PCDHGA7: variants seen among roughly 807,000 people sequenced by gnomAD.
PCDHGA7 encodes the protein protocadherin gamma-A7.
A neutral mutation model predicts 58.3 loss-of-function variants in PCDHGA7; 44 were observed. The ratio of observed to expected loss-of-function variants is 0.75; its 90% CI spans 0.59 to 0.97. The LOEUF is 0.97. Ranked by LOEUF, PCDHGA7 falls within the 50% of genes least tolerant of loss-of-function variation. PCDHGA7 has a pLI of 0.00. For missense variants in PCDHGA7, 1,266 were observed against 1,188.7 expected, an observed-to-expected ratio of 1.06 and a Z score of -0.96; for synonymous variants, 516 against 504.2, an observed-to-expected ratio of 1.02 and a Z score of -0.31.
At chr5:141,388,957 C>T (rs1378746840) in intron 1 of PCDHGA7, 7 of 1,613,822 alleles carry the variant, frequency 4.3e-6, no homozygotes, top group Non-Finnish European at 5.9e-6. Flanking sequence ...ATGGAGGACG[C>T]CGAGCTGGGA....
At chr5:141,415,479 A>G (rs750765604) in intron 1 of PCDHGA7, 19 of 1,613,988 alleles carry the variant, frequency 1.2e-5, no homozygotes, top group South Asian at 2.2e-5. Flanking sequence ...CGGACTCGCG[A>G]AAGAGTCACC....
In PCDHGA7 at chr5:141,383,002, G is replaced by A. The variant is rs376825891; in HGVS notation, c.103G>A (p.Val35Met). 8 of 1,613,766 alleles carry A rather than the reference G, an allele frequency of 5.0e-6. No individual in the cohort carries two copies. Among genetic ancestry groups the A allele is most frequent in the East Asian group, 2.2e-5 (1 of 44,884 alleles). The change falls in exon 1 of 4, where the codon GTG becomes ATG. Residue 35 changes from valine to methionine, a missense_variant. Val to Met is a conservative substitution (Grantham distance 21). Transcript: ENST00000518325. ...EAWAGRILYS[V>M]SEETDKGSFV... is the part of the protein sequence containing the mutation. ...CTGGGCAGGACGTATTCTCTACTCC[G>A]TGTCGGAGGAGACGGACAAAGGGTC...
In PCDHGA7 at chr5:141,489,597, A is replaced by G; in HGVS notation, c.2425-5210A>G. 6.2e-7 allele frequency: 1 copy of G among 1,614,100 alleles called. No individual in the cohort carries two copies. The highest frequency in any genetic ancestry group is 1.3e-5 in the African/African-American group (1 of 75,040). ...AACACCCCCTGGAGCTAATCCGTGTAGAGGTAGAGATCCTGGATCTCAATG... is the reference window on the plus strand; with the variant it reads ...AACACCCCCTGGAGCTAATCCGTGTGGAGGTAGAGATCCTGGATCTCAATG... On this transcript the variant is annotated intron_variant, in intron 1 of 3. Transcript: ENST00000518325. The surrounding 1 kb of genome is among the most constrained non-coding windows in gnomAD (Gnocchi z 4.5).
chr5:141,385,513 A>C (rs1781236036), intron 1 of PCDHGA7, 190 bp downstream of exon 1: 1 of 1,373,372 alleles, frequency 7.3e-7, no homozygotes, highest in Non-Finnish European at 9.4e-7. Flanking sequence ...CTTTAGTGAA[A>C]GCCTATGGAC....
rs1462148828 is a variant in PCDHGA7 at position 141,392,863 on chromosome 5, G to A, written c.2424+7540G>A. On this transcript the variant is annotated intron_variant, in intron 1 of 3. Transcript: ENST00000518325. ...AGACGCGGCGAGCTGATCCTGCTGT[G>A]CGCGCTGCTGGGAACGCTGTGGGAA... 3 of 1,612,774 alleles carry A rather than the reference G, an allele frequency of 1.9e-6. No individual in the cohort carries two copies. Among genetic ancestry groups the A allele is most frequent in the African/African-American group, 2.7e-5 (2 of 74,930 alleles).
chr5:141,431,731 T>G lies in PCDHGA7; in HGVS notation c.2424+46408T>G. 6.2e-7 allele frequency: 1 copy of G among 1,614,210 alleles called. No homozygotes were observed. The highest frequency in any genetic ancestry group is 8.5e-7 in the Non-Finnish European group (1 of 1,180,034). Reference sequence around the variant, plus strand: ...AGATGGAAGTGCAAGCAATGGATAATGCAGGATATTCTGCGCGAGCCAAAG... The same window carrying G: ...AGATGGAAGTGCAAGCAATGGATAAGGCAGGATATTCTGCGCGAGCCAAAG... On this transcript the variant is annotated intron_variant, in intron 1 of 3. Coordinates refer to ENST00000518325, the MANE Select transcript of PCDHGA7 (RefSeq NM_018920.4). The surrounding 1 kb of genome is among the most constrained non-coding windows in gnomAD (Gnocchi z 4.8).
intron 1 of PCDHGA7, chr5:141,398,713 C>G (rs772426523): frequency 6.2e-7 from 1 of 1,613,828 alleles, no homozygotes; most frequent in Non-Finnish European, 8.5e-7. Context: ...GGAACTGGCA[C>G]TGGAGAAAAC....
chr5:141,417,760 C>A, intron 1 of PCDHGA7: 1 of 1,438,808 alleles, frequency 7.0e-7, no homozygotes, highest in South Asian at 1.5e-5. Context: ...GCTCCGAGAC[C>A]CGGGACTCCT....
chr5:141,411,969 T>G (rs2095526864), intron 1 of PCDHGA7: 1 of 152,258 alleles, frequency 6.6e-6, no homozygotes, highest in Non-Finnish European at 1.5e-5. Context: ...ATAAAATCTT[T>G]GAAGAGTTCT....
rs777487681 is a variant in PCDHGA7, at chr5:141,432,809, T to C, written c.2424+47486T>C. 2.5e-6 allele frequency: 4 copies of C among 1,613,280 alleles called. No individual in the cohort carries two copies. In the African/African-American group the frequency reaches 5.4e-5, roughly 22 times the overall value. The stretch of plus-strand genomic sequence containing the variant: ...CGGCAGCCTCGAGTCTCCAGCTAAC[T>C]CTGAAACCTCAGACCTCACTCTGTA... On this transcript the variant is annotated intron_variant, in intron 1 of 3. Coordinates refer to ENST00000518325, the MANE Select transcript of PCDHGA7 (RefSeq NM_018920.4). The surrounding 1 kb of genome is among the most constrained non-coding windows in gnomAD (Gnocchi z 6.0).
intron 1 of PCDHGA7, chr5:141,389,444 C>T: frequency 6.2e-7 from 1 of 1,610,564 alleles, no homozygotes; most frequent in South Asian, 1.1e-5. Flanking sequence ...CCTTCGACCA[C>T]GAGCAGCTGC....
At chr5:141,410,006 G>A (rs1201569227) in intron 1 of PCDHGA7, 8 of 1,613,156 alleles carry the variant, frequency 5.0e-6, no homozygotes, top group Non-Finnish European at 5.9e-6. Context: ...GGGACACAAC[G>A]CCTGGCTGTC....
chr5:141,403,571 G>A (rs778030830), intron 1 of PCDHGA7: 1 of 1,613,904 alleles, frequency 6.2e-7, no homozygotes, highest in Non-Finnish European at 8.5e-7. Context: ...GGAGGCAACT[G>A]CCCACCACCT....
intron 1 of PCDHGA7, among the ~76,000 whole-genome samples, chr5:141,453,357 C>T (rs1027586816): frequency 1.3e-5 from 2 of 152,002 alleles, no homozygotes; most frequent in Admixed American, 6.6e-5. Flanking sequence ...TGACCCTGAA[C>T]TCCTGGGGTC....
chr5:141,443,029 C>A (rs1281303741), intron 1 of PCDHGA7, among the ~76,000 whole-genome samples: 1 of 152,192 alleles, frequency 6.6e-6, no homozygotes, highest in Admixed American at 6.5e-5. Flanking sequence ...AGTTGCCAGA[C>A]CTAAACTTTG....
chr5:141,407,616 C>T (rs752226894), intron 1 of PCDHGA7, among the ~76,000 whole-genome samples: 3 of 151,970 alleles, frequency 2.0e-5, no homozygotes, highest in Non-Finnish European at 4.4e-5. Flanking sequence ...CATTGGTTGA[C>T]ATTCTATATC....
At chr5:141,475,500 T>C (rs1393586791) in intron 1 of PCDHGA7, among the ~76,000 whole-genome samples, 1 of 152,248 alleles carries the variant, frequency 6.6e-6, no homozygotes, top group East Asian at 1.9e-4. Flanking sequence ...ACTGAAATTA[T>C]TAATGTCTCC....
intron 1 of PCDHGA7, chr5:141,415,029 G>T (rs777967290): frequency 8.1e-6 from 13 of 1,613,554 alleles, no homozygotes; most frequent in Non-Finnish European, 1.0e-5. Context: ...CCAGCGAGCC[G>T]GGACTCTTCG....
At chr5:141,428,120 C>A in intron 1 of PCDHGA7, 1 of 1,606,526 alleles carries the variant, frequency 6.2e-7, no homozygotes, top group Non-Finnish European at 8.5e-7. Flanking sequence ...CCATCGAGCC[C>A]GGGCTTTTCA....
Sources: gnomAD v4.1 joint callset for allele counts (sites outside exome capture counted in the v4.1 genomes callset) on GRCh38, gnomAD v4.1.1 for gene constraint, Gnocchi (gnomAD v3.1) non-coding constraint, MANE v1.5 for transcripts, NCBI Gene and HGNC (gene_info 2026-07-23, HGNC 2026-07-21) for gene names.